The following SLC9B1 variants were observed in gnomAD, a reference collection of about 807,000 sequenced individuals.
The protein encoded by SLC9B1 is sodium/hydrogen exchanger 9B1.
A neutral mutation model predicts 51.7 loss-of-function variants in SLC9B1; 32 were observed. That is an observed-to-expected ratio of 0.62 (90% CI 0.47 to 0.83). The LOEUF is 0.83. Ranked by LOEUF, SLC9B1 falls within the 40% of genes least tolerant of loss-of-function variation. The probability of loss-of-function intolerance (pLI) is 0.00; values close to 1 mark genes in which losing one functional copy is unlikely to be tolerated. For missense variants in SLC9B1, 406 were observed against 613.2 expected (o/e 0.66, Z 3.57); for synonymous variants, 145 against 212.7 (o/e 0.68, Z 2.77).
At chr4:102,932,087 A>C in intron 7 of SLC9B1, 37 bp downstream of exon 7, 2 of 1,600,856 alleles carry the variant, frequency 1.2e-6, no homozygotes, top group Non-Finnish European at 1.7e-6. Context: ...AAAAAAGGTC[A>C]TGAATGATCT....
intron 11 of SLC9B1, among the ~76,000 whole-genome samples, chr4:102,886,561 T>TA (rs2110402311): frequency 6.6e-6 from 1 of 152,268 alleles, no homozygotes; most frequent in South Asian, 2.1e-4. Flanking sequence ...TAATTATTAT[T>TA]ATGTGTATCT....
At chr4:102,887,253 T>A in intron 11 of SLC9B1, 2 of 797,150 alleles carry the variant, frequency 2.5e-6, no homozygotes, top group South Asian at 3.0e-5. Context: ...GCAAGTGATA[T>A]GCTTTCTTTC....
downstream of SLC9B1, chr4:102,898,006 G>A: frequency 2.5e-6 from 1 of 406,076 alleles, no homozygotes; most frequent in Non-Finnish European, 4.8e-6. Context: ...CTCCTCAAAA[G>A]CAAAAGCAAA....
At chr4:103,009,888 C>CTT (rs1741002095) in intron 1 of SLC9B1, among the ~76,000 whole-genome samples, 2 of 149,650 alleles carry the variant, frequency 1.3e-5, no homozygotes, top group South Asian at 4.3e-4. Flanking sequence ...ACAGAATACT[C>CTT]TTTATAAAAG....
At chr4:102,930,282 G>A (rs1378621096) in intron 7 of SLC9B1, among the ~76,000 whole-genome samples, 1 of 152,166 alleles carries the variant, frequency 6.6e-6, no homozygotes, top group Non-Finnish European at 1.5e-5. Flanking sequence ...GGTAGGACAT[G>A]ATATTGTGGC....
At position 103,001,321 on chromosome 4, in the gene SLC9B1, G is replaced by A. The variant is rs112283855; in HGVS notation, c.-1-9609C>T. ...TTTCCCCATTCTCCTCATTACTTAC[G>A]CAAATGTCTGCAGGCAGCTTGAACT... On this transcript the variant is annotated intron_variant, in intron 1 of 11. Transcript: ENST00000296422. Among the ~76,000 whole-genome samples the A allele has an allele frequency of 8.7e-4, 133 of 152,252 alleles. 2 individuals carry two copies. The highest frequency in any genetic ancestry group is 3.1e-3 in the African/African-American group (129 of 41,536).
intron 3 of SLC9B1, chr4:102,962,214 T>C (rs1296846228): frequency 5.6e-6 from 3 of 532,688 alleles, no homozygotes; most frequent in Non-Finnish European, 1.1e-5. Context: ...GCAAAGGTAG[T>C]TGACAAAGCC....
At chr4:102,961,909 G>A (rs1452251686) in intron 3 of SLC9B1, 1 of 222,584 alleles carries the variant, frequency 4.5e-6, no homozygotes, top group Non-Finnish European at 8.9e-6. Context: ...GATGGTGGCA[G>A]GGTGCTCCAG....
chr4:102,991,903 A>G (rs1279438295), intron 1 of SLC9B1, among the ~76,000 whole-genome samples, 191 bp from the exon 2 acceptor site: 4 of 152,100 alleles, frequency 2.6e-5, no homozygotes, highest in Non-Finnish European at 5.9e-5. Context: ...CCAAAGCCAT[A>G]TGCATAAGTT....
intron 1 of SLC9B1, among the ~76,000 whole-genome samples, chr4:102,998,274 C>G (rs1176763511): frequency 6.6e-6 from 1 of 152,080 alleles, no homozygotes; most frequent in Non-Finnish European, 1.5e-5. Context: ...ACAATATTTG[C>G]CCTTTTTTGT....
At chr4:102,896,443 AAAAT>A (rs1196846369), downstream of SLC9B1, among the ~76,000 whole-genome samples, 3 of 152,146 alleles carry the variant, frequency 2.0e-5, no homozygotes, top group African/African-American at 7.2e-5. Flanking sequence ...ATGTAGTCTC[AAAAT>A]AAATAAAGCC....
At chr4:102,944,600 T>C (rs200754159) in intron 6 of SLC9B1, among the ~76,000 whole-genome samples, 1 of 152,246 alleles carries the variant, frequency 6.6e-6, no homozygotes, top group African/African-American at 2.4e-5. Context: ...ATGAGTGTCA[T>C]TGGAATGGAT....
intron 3 of SLC9B1, among the ~76,000 whole-genome samples, chr4:102,973,483 C>A (rs1273264198): frequency 6.6e-6 from 1 of 152,008 alleles, no homozygotes; most frequent in Non-Finnish European, 1.5e-5. Flanking sequence ...CAATGAAAAT[C>A]AAAATGTAGT....
rs181241447 is a variant in SLC9B1, at chr4:102,968,169, G to C, written c.212-18742C>G. ...ATTAAGAGAGATAGATAGATCAATGGAACTAAGTGGAGTTCAGAATCCAAC... is the reference window on the plus strand; with the variant it reads ...ATTAAGAGAGATAGATAGATCAATGCAACTAAGTGGAGTTCAGAATCCAAC... On this transcript the variant is annotated intron_variant, in intron 3 of 11. Coordinates refer to ENST00000296422, the MANE Select transcript of SLC9B1 (RefSeq NM_139173.4). Among the ~76,000 whole-genome samples the C allele has an allele frequency of 8.5e-4, 129 of 152,306 alleles. 1 individual carries two copies. In the East Asian group the frequency reaches 0.02, roughly 23 times the overall value.
intron 1 of SLC9B1, among the ~76,000 whole-genome samples, chr4:102,993,518 G>A (rs1740058663): frequency 6.6e-6 from 1 of 152,214 alleles, no homozygotes; most frequent in African/African-American, 2.4e-5. Context: ...CTGGCATTGA[G>A]GGTCTGCTGC....
At chr4:102,990,782 A>G (rs1380153888) in intron 2 of SLC9B1, among the ~76,000 whole-genome samples, 1 of 152,064 alleles carries the variant, frequency 6.6e-6, no homozygotes, top group African/African-American at 2.4e-5. Context: ...GCATGGACAC[A>G]TTGAGGAAGG....
At chr4:102,962,980 T>C in intron 3 of SLC9B1, 1 of 461,322 alleles carries the variant, frequency 2.2e-6, no homozygotes, top group Admixed American at 2.3e-5. Context: ...TGAATGTTGT[T>C]GATGAATACA....
intron 3 of SLC9B1, among the ~76,000 whole-genome samples, chr4:102,970,593 A>C (rs1036306730): frequency 6.6e-6 from 1 of 152,174 alleles, no homozygotes; most frequent in Admixed American, 6.5e-5. Flanking sequence ...CGAGCAAAAT[A>C]ACCAGCTAAC....
Position 102,922,219 on chromosome 4 carries a change from C to A in SLC9B1, c.829+9905G>T, listed in dbSNP as rs140953748. Among the ~76,000 whole-genome samples the A allele has an allele frequency of 2.3e-3, 348 of 152,316 alleles. 2 individuals are homozygous for A. Among genetic ancestry groups the A allele is most frequent in the African/African-American group, 7.8e-3 (326 of 41,576 alleles). The stretch of plus-strand genomic sequence containing the variant: ...AAATCACAACAAACTGTCTCTCAGA[C>A]CACAGTGCAATCAAATTAGAACTTA... On this transcript the variant is annotated intron_variant, in intron 7 of 11. Coordinates refer to ENST00000296422, the MANE Select transcript of SLC9B1 (RefSeq NM_139173.4).
Sources: gnomAD v4.1 joint callset for allele counts (sites outside exome capture counted in the v4.1 genomes callset) on GRCh38, gnomAD v4.1.1 for gene constraint, MANE v1.5 for transcripts, NCBI Gene and HGNC (gene_info 2026-07-23, HGNC 2026-07-21) for gene names.